Variants in F5 observed in about 807,000 individuals in gnomAD.
The protein encoded by F5 is activated protein c cofactor.
Under a neutral mutation model 216.4 loss-of-function variants are expected in F5, and 138 were observed. That is an observed-to-expected ratio of 0.64 (90% confidence interval 0.56 to 0.73). The LOEUF is 0.73. Ranked by LOEUF, F5 falls within the 30% of genes least tolerant of loss-of-function variation. The pLI is 0.00. For missense variants in F5, 2,403 were observed against 2,674.0 expected (o/e 0.90, Z 2.24); for synonymous variants, 916 against 930.7 (o/e 0.98, Z 0.29).
At chr1:169,582,251 C>T (rs1272125988) in intron 2 of F5, among the ~76,000 whole-genome samples, 180 bp downstream of exon 2, 2 of 151,776 alleles carry the variant, frequency 1.3e-5, no homozygotes, top group Non-Finnish European at 2.9e-5. Context: ...ATAATATGAA[C>T]AAGGGGACTC....
Position 169,525,047 on chromosome 1 carries a change from T to C in F5, c.5717-139A>G, listed in dbSNP as rs1467361358. 3 of 676,878 alleles carry C rather than the reference T, an allele frequency of 4.4e-6. No individual in the cohort carries two copies. The East Asian group carries it at 8.3e-5, about 19-fold the overall frequency. The allele number at this position is 676,878 out of a possible 1,614,324, so 41.9% of individuals were successfully genotyped here. A position where few individuals can be genotyped will look rare whatever the true frequency, so the allele number is the denominator to read the frequency against. On this transcript the variant is annotated intron_variant, in intron 18 of 24. Transcript: ENST00000367797. Reference sequence around the variant, plus strand: ...ACCTTGTGTGGCCCTGACTTAAATATATCTGATTATAAAATGGTAAATGCA... The same window carrying C: ...ACCTTGTGTGGCCCTGACTTAAATACATCTGATTATAAAATGGTAAATGCA...
intron 5 of F5, among the ~76,000 whole-genome samples, chr1:169,558,013 C>T (rs568400940): frequency 9.9e-5 from 15 of 152,152 alleles, no homozygotes; most frequent in Non-Finnish European, 1.8e-4. Context: ...ACTATAAATT[C>T]GTAAACTCTA....
chr1:169,556,965 G>T, intron 5 of F5, 98 bp from the exon 6 acceptor site: 3 of 1,042,952 alleles, frequency 2.9e-6, no homozygotes, highest in Non-Finnish European at 4.3e-6. Flanking sequence ...CCTGCTGTGT[G>T]TCAGGCATTG....
In F5 at chr1:169,555,337, C is replaced by T; in HGVS notation, c.963G>A (p.Gln321=). The change falls in exon 7 of 25, where the codon CAG becomes CAA. Residue 321 remains glutamine, a synonymous_variant. Coordinates refer to ENST00000367797, the MANE Select transcript of F5 (RefSeq NM_000130.5). ...LTPKHLQAGM[Q]AYIDIKNCPK... ...GGCAGTTTTTAATGTCAATGTAAGC[C>T]TGCATCCCAGCTGAGTTAGGACAGA... is the stretch of plus-strand genomic sequence containing the variant. 6.2e-7 allele frequency: 1 copy of T among 1,613,990 alleles called. No individual in the cohort carries two copies. Among genetic ancestry groups the T allele is most frequent in the South Asian group, 1.1e-5 (1 of 91,084 alleles).
At chr1:169,525,829 T>C (rs527325055) in intron 18 of F5, 72 bp downstream of exon 18, 38 of 1,044,792 alleles carry the variant, frequency 3.6e-5, no homozygotes, top group Non-Finnish European at 5.3e-5. Context: ...ATATTTCCAA[T>C]CTAAAAGTTG....
intron 22 of F5, 49 bp from the exon 23 acceptor site, chr1:169,518,612 A>G: frequency 6.3e-7 from 1 of 1,594,622 alleles, no homozygotes; most frequent in Non-Finnish European, 8.6e-7. Flanking sequence ...TATTCCCTGC[A>G]TGGCTTCATG....
chr1:169,529,711 T>C lies in F5; in HGVS notation c.5316A>G (p.Leu1772=), dbSNP rs745638757. ...TCTTCTTTTCATCAAAGGTCATAAA[T>C]AGTAAGACAAATTCTCTCATGTCCA... is the stretch of plus-strand genomic sequence containing the variant. ...MPMDMREFVL[L]FMTFDEKKSW... Residue 1772 remains leucine (L), a synonymous_variant, in exon 16 of 25, where the codon CTA becomes CTG. Transcript: ENST00000367797. 8.1e-6 allele frequency: 13 copies of C among 1,613,848 alleles called. No individual in the cohort carries two copies. The highest frequency in any genetic ancestry group is 1.0e-5 in the Non-Finnish European group (12 of 1,179,810).
In F5 at chr1:169,514,290, C is replaced by T. The variant is rs961158191; in HGVS notation, c.*23G>A. 17 of 1,612,260 alleles carry T rather than the reference C, an allele frequency of 1.1e-5. No homozygotes were observed. Among genetic ancestry groups the T allele is most frequent in the Non-Finnish European group, 1.4e-5 (16 of 1,178,724 alleles). On this transcript the variant is annotated 3_prime_UTR_variant, in exon 25 of 25. Coordinates refer to ENST00000367797, the MANE Select transcript of F5 (RefSeq NM_000130.5). Reference sequence around the variant, plus strand: ...GTTTGAGGTCTTAAAGAGTCTCTTCCAGGGGTTTTTGAATGTTCAATTCTA... The same window carrying T: ...GTTTGAGGTCTTAAAGAGTCTCTTCTAGGGGTTTTTGAATGTTCAATTCTA...
Position 169,536,515 on chromosome 1 carries a change from A to T in F5, c.4962T>A (p.Asp1654Glu). 1 of 1,613,110 alleles carries T rather than the reference A, an allele frequency of 6.2e-7. No homozygotes were observed. The highest frequency in any genetic ancestry group is 8.5e-7 in the Non-Finnish European group (1 of 1,179,250). Residue 1654 changes from aspartate to glutamate, a missense_variant, in exon 14 of 25, where the codon GAT (aspartate) becomes GAA (glutamate). By Grantham distance (45) the Asp-to-Glu change is conservative. Coordinates refer to ENST00000367797, the MANE Select transcript of F5 (RefSeq NM_000130.5). ...LGPIIRAEVD[D>E]VIQVRFKNLA... ...TGCTCAAAAGACTTACTTGGATAACATCATCCACTTCAGCTCTGATAATAG... is the reference window on the plus strand; with the variant it reads ...TGCTCAAAAGACTTACTTGGATAACTTCATCCACTTCAGCTCTGATAATAG...
At chr1:169,533,713 C>A (rs940306301) in intron 14 of F5, among the ~76,000 whole-genome samples, 8 of 152,052 alleles carry the variant, frequency 5.3e-5, no homozygotes, top group Non-Finnish European at 1.2e-4. Context: ...TCACACCAGT[C>A]AGAATGGCTA....
chr1:169,550,284 CCCCA>C (rs1469419471), intron 9 of F5, among the ~76,000 whole-genome samples: 37 of 72,530 alleles, frequency 5.1e-4, no homozygotes, highest in South Asian at 1.8e-3. Flanking sequence ...TCCCCCCGCC[CCCCA>C]CCCCCCCCCC....
At position 169,531,034 on chromosome 1, in the gene F5, A is replaced by T. The variant is rs1659585482; in HGVS notation, c.4972-12T>A. 6.3e-7 allele frequency: 1 copy of T among 1,590,336 alleles called. No individual in the cohort carries two copies. The highest frequency in any genetic ancestry group is 8.6e-7 in the Non-Finnish European group (1 of 1,162,104). ...TTTTTAAAACGAACCTAGGAAAAGG[A>T]ATGATCCACAAATGTACTTAAGCTT... is the stretch of plus-strand genomic sequence containing the variant. On this transcript the variant is annotated splice_polypyrimidine_tract_variant and intron_variant, in intron 14 of 24. Coordinates refer to ENST00000367797, the MANE Select transcript of F5 (RefSeq NM_000130.5).
At chr1:169,584,444 T>C (rs1456599684) in intron 1 of F5, among the ~76,000 whole-genome samples, 1 of 152,238 alleles carries the variant, frequency 6.6e-6, no homozygotes, top group East Asian at 1.9e-4. Flanking sequence ...TATCTCTTTG[T>C]ATACATGTGA....
chr1:169,572,367 A>G (rs755604033), intron 2 of F5, 24 bp from the exon 3 acceptor site: 58 of 1,612,130 alleles, frequency 3.6e-5, no homozygotes, highest in Non-Finnish European at 4.9e-5. Context: ...TATTTAAACT[A>G]TGTCTGTATT....
intron 10 of F5, among the ~76,000 whole-genome samples, chr1:169,548,746 G>A (rs1033511723): frequency 1.3e-5 from 2 of 151,882 alleles, no homozygotes; most frequent in Admixed American, 6.6e-5. Context: ...GCGGGCGCCT[G>A]TAATCCCAGC....
chr1:169,551,629 C>T (rs1019869634), intron 8 of F5, among the ~76,000 whole-genome samples: 4 of 152,148 alleles, frequency 2.6e-5, no homozygotes, highest in South Asian at 2.1e-4. Context: ...CAGAATAGAC[C>T]TTGTCAGGTG....
At position 169,513,077 on chromosome 1, in the gene F5, G is replaced by A. The variant is rs951313531; in HGVS notation, c.*1236C>T. ...AGTTTCCATGTAGTTGTGTGGTTTC[G>A]AGTGAGTTTCTTAGTCCTCAGTTCT... On this transcript the variant is annotated 3_prime_UTR_variant, in exon 25 of 25. Transcript: ENST00000367797. Among the ~76,000 whole-genome samples the A allele has an allele frequency of 4.0e-5, 6 of 151,770 alleles. No homozygotes were observed. Among genetic ancestry groups the A allele is most frequent in the African/African-American group, 7.3e-5 (3 of 41,298 alleles).
chr1:169,516,458 A>G (rs776627292), intron 23 of F5, among the ~76,000 whole-genome samples: 196 of 152,232 alleles, frequency 1.3e-3, no homozygotes, highest in Non-Finnish European at 2.0e-3. Flanking sequence ...CCACACATAC[A>G]TAAGTGTATG....
intron 5 of F5, 124 bp downstream of exon 5, chr1:169,559,029 C>T: frequency 6.2e-6 from 6 of 974,002 alleles, no homozygotes; most frequent in African/African-American, 5.0e-5. Context: ...GAAAATATTT[C>T]CTTCTTGATA....
Sources: gnomAD v4.1 joint callset for allele counts (sites outside exome capture counted in the v4.1 genomes callset) on GRCh38, gnomAD v4.1.1 for gene constraint, MANE v1.5 for transcripts, NCBI Gene and HGNC (gene_info 2026-07-23, HGNC 2026-07-21) for gene names.